INTS9: variants seen among roughly 807,000 people sequenced by gnomAD.
The protein encoded by INTS9 is protein related to CPSF subunits of 74 kDa.
In INTS9, 55 loss-of-function variants were observed where a neutral mutation model predicts 79.7. That is an observed-to-expected ratio of 0.69 (90% CI 0.56 to 0.86). INTS9 has a LOEUF of 0.86. Ranked by LOEUF, INTS9 falls within the 40% of genes least tolerant of loss-of-function variation. The pLI, the probability that INTS9 is intolerant of heterozygous loss-of-function variation, is 0.00. For missense variants in INTS9, 721 were observed against 831.5 expected, an observed-to-expected ratio of 0.87 and a Z score of 1.64; for synonymous variants, 319 against 325.2, an observed-to-expected ratio of 0.98 and a Z score of 0.20.
At chr8:28,871,131 A>C (rs1373061745) in intron 1 of INTS9, among the ~76,000 whole-genome samples, 1 of 152,198 alleles carries the variant, frequency 6.6e-6, no homozygotes, top group African/African-American at 2.4e-5. Flanking sequence ...CACCGGTAGT[A>C]AGTTAGGAGT....
At position 28,796,602 on chromosome 8, in the gene INTS9, A is replaced by G. The variant is rs1393926432; in HGVS notation, c.798T>C (p.Leu266=). 2 of 1,614,120 alleles carry G rather than the reference A, an allele frequency of 1.2e-6. No individual in the cohort carries two copies. Among genetic ancestry groups the G allele is most frequent in the African/African-American group, 1.3e-5 (1 of 75,054 alleles). ...KNSDVLVLTG[L]TQIPTANPDG... ...CTGGGTTTGCAGTGGGGATCTGGGT[A>G]AGCCCTGTCAGAACAAGAACATCGC... Residue 266 remains leucine (L), a synonymous_variant, in exon 9 of 17, where the codon CTT becomes CTC. Transcript: ENST00000521022.
intron 4 of INTS9, 140 bp downstream of exon 4, chr8:28,846,607 G>A (rs1355702704): frequency 1.5e-5 from 10 of 651,132 alleles, no homozygotes; most frequent in Non-Finnish European, 2.7e-5. Flanking sequence ...CATTTTGGCT[G>A]TGTAACAATG....
At chr8:28,782,316 T>C (rs1803316861) in intron 11 of INTS9, among the ~76,000 whole-genome samples, 2 of 152,196 alleles carry the variant, frequency 1.3e-5, no homozygotes, top group Admixed American at 1.3e-4. Context: ...TTCCCAACAC[T>C]CGTGAATCAC....
At chr8:28,796,876 G>C (rs1804249903) in intron 8 of INTS9, 2 of 463,960 alleles carry the variant, frequency 4.3e-6, no homozygotes, top group Non-Finnish European at 7.8e-6. Context: ...GGATGAACAA[G>C]TTCTGTATCT....
intron 13 of INTS9, 80 bp from the exon 14 acceptor site, chr8:28,776,006 C>G: frequency 8.9e-7 from 1 of 1,119,124 alleles, no homozygotes; most frequent in Non-Finnish European, 1.2e-6. Flanking sequence ...TGACCCCGAT[C>G]CACTCCCCGC....
At chr8:28,833,742 T>C (rs1272846213) in intron 6 of INTS9, among the ~76,000 whole-genome samples, 1 of 151,242 alleles carries the variant, frequency 6.6e-6, no homozygotes, top group Non-Finnish European at 1.5e-5. Flanking sequence ...TCAGAAGGTG[T>C]GGCTGCTGTG....
At chr8:28,882,541 A>G (rs1287559028) in intron 1 of INTS9, among the ~76,000 whole-genome samples, 4 of 144,156 alleles carry the variant, frequency 2.8e-5, no homozygotes, top group East Asian at 1.9e-4. Flanking sequence ...CTAAAAAAAA[A>G]AAAAAAGAAA....
intron 12 of INTS9, among the ~76,000 whole-genome samples, chr8:28,779,254 T>C (rs1295124761): frequency 6.6e-6 from 1 of 152,190 alleles, no homozygotes; most frequent in Non-Finnish European, 1.5e-5. Context: ...ATCAATATCT[T>C]GTGGCCCAAC....
At chr8:28,854,857 T>G (rs1267279035) in intron 2 of INTS9, among the ~76,000 whole-genome samples, 1 of 152,162 alleles carries the variant, frequency 6.6e-6, no homozygotes, top group Non-Finnish European at 1.5e-5. Flanking sequence ...AAAGTTTAGC[T>G]CCCACTTACA....
chr8:28,827,124 G>A (rs987737849), intron 6 of INTS9, among the ~76,000 whole-genome samples: 1 of 152,138 alleles, frequency 6.6e-6, no homozygotes, highest in Non-Finnish European at 1.5e-5. Flanking sequence ...TGGATAAGAA[G>A]GATAAGGAAA....
At chr8:28,846,277 A>C (rs913839346) in intron 4 of INTS9, among the ~76,000 whole-genome samples, 2 of 152,240 alleles carry the variant, frequency 1.3e-5, no homozygotes, top group Non-Finnish European at 2.9e-5. Context: ...ATAATATGTA[A>C]GTGATTGTCT....
At chr8:28,805,711 C>A (rs1228663767) in intron 8 of INTS9, among the ~76,000 whole-genome samples, 2 of 151,698 alleles carry the variant, frequency 1.3e-5, no homozygotes, top group Non-Finnish European at 2.9e-5. Flanking sequence ...GATACAGATA[C>A]TGATAAGTAA....
rs114799570 is a variant in INTS9 at position 28,788,048 on chromosome 8, G to A, written c.1038-159C>T. ...AATGAAATCCAGTGCCTACAGAGAA[G>A]AGATGTATCTTGTATGTTTTTAAAC... On this transcript the variant is annotated intron_variant, in intron 10 of 16. Coordinates refer to ENST00000521022, the MANE Select transcript of INTS9 (RefSeq NM_018250.4). 2.2e-3 allele frequency among the ~76,000 whole-genome samples: 337 copies of A among 152,308 alleles called. 1 individual carries two copies. Among genetic ancestry groups the A allele is most frequent in the African/African-American group, 7.8e-3 (324 of 41,570 alleles).
intron 1 of INTS9, among the ~76,000 whole-genome samples, chr8:28,866,359 G>A (rs1241438527): frequency 2.6e-5 from 4 of 151,994 alleles, no homozygotes; most frequent in Non-Finnish European, 2.9e-5. Context: ...GGTTGGGGCC[G>A]GTCCGCAATA....
At chr8:28,832,130 AC>A (rs1435579202) in intron 6 of INTS9, among the ~76,000 whole-genome samples, 1 of 152,208 alleles carries the variant, frequency 6.6e-6, no homozygotes, top group East Asian at 1.9e-4. Context: ...GGGAAAGAAA[AC>A]AAAGTCCTGA....
intron 8 of INTS9, among the ~76,000 whole-genome samples, chr8:28,812,005 G>GTCA (rs1805180518): frequency 6.6e-6 from 1 of 152,200 alleles, no homozygotes; most frequent in African/African-American, 2.4e-5. Flanking sequence ...CATGACACTT[G>GTCA]ACACTTGGCC....
intron 13 of INTS9, chr8:28,776,167 TC>T (rs1802866333): frequency 4.7e-6 from 2 of 421,928 alleles, no homozygotes; most frequent in Non-Finnish European, 8.4e-6. Context: ...TCTTTCTTAC[TC>T]TTTACATAAG....
intron 1 of INTS9, chr8:28,859,771 T>C: frequency 1.6e-6 from 1 of 640,180 alleles, no homozygotes; most frequent in South Asian, 1.5e-5. Flanking sequence ...CACACCCATC[T>C]GTCTTTTCAC....
chr8:28,820,750 G>T (rs1172759973), intron 6 of INTS9, among the ~76,000 whole-genome samples: 1 of 152,172 alleles, frequency 6.6e-6, no homozygotes, highest in Non-Finnish European at 1.5e-5. Flanking sequence ...ACTGAAGACT[G>T]AGTTTCAGAC....
Sources: gnomAD v4.1 joint callset for allele counts (sites outside exome capture counted in the v4.1 genomes callset) on GRCh38, gnomAD v4.1.1 for gene constraint, MANE v1.5 for transcripts, NCBI Gene and HGNC (gene_info 2026-07-23, HGNC 2026-07-21) for gene names.